STK32B: variants seen among roughly 807,000 people sequenced by gnomAD.
STK32B encodes the protein serine/threonine-protein kinase 32B.
A neutral mutation model predicts 52.6 loss-of-function variants in STK32B; 43 were observed. The ratio of observed to expected loss-of-function variants is 0.82; its 90% confidence interval spans 0.64 to 1.05. The LOEUF is 1.05. Ranked by LOEUF, STK32B falls within the 50% of genes least tolerant of loss-of-function variation. STK32B has a pLI of 0.00. For synonymous variants in STK32B, 238 were observed against 204.3 expected, an observed-to-expected ratio of 1.17 and a Z score of -1.41; for missense variants, 621 against 534.6, an observed-to-expected ratio of 1.16 and a Z score of -1.59.
intron 3 of STK32B, among the ~76,000 whole-genome samples, chr4:5,271,502 C>T (rs1205931059): frequency 2.7e-5 from 4 of 150,824 alleles, no homozygotes; most frequent in Non-Finnish European, 5.9e-5. Context: ...TTTTTGGTTC[C>T]ATATGAACTT....
chr4:5,481,345 A>AT (rs1167579695), intron 11 of STK32B, among the ~76,000 whole-genome samples: 5 of 151,986 alleles, frequency 3.3e-5, no homozygotes, highest in Non-Finnish European at 7.4e-5. Context: ...GCTGATGAGC[A>AT]TTTTTTCATG....
chr4:5,428,747 TG>T (rs1385016501), intron 6 of STK32B, among the ~76,000 whole-genome samples: 1 of 152,262 alleles, frequency 6.6e-6, no homozygotes, highest in Admixed American at 6.5e-5. Context: ...ATGTAAGTGT[TG>T]GAATTCCCAG....
rs796300048 is a variant in STK32B at position 5,316,675 on chromosome 4, A to G, written c.261-14545A>G. ...ATAATATATAATATATATTATATAT[A>G]TAATATAATATAATATATATCATAT... On this transcript the variant is annotated intron_variant, in intron 3 of 11. Coordinates refer to ENST00000282908, the MANE Select transcript of STK32B (RefSeq NM_018401.3). Among the ~76,000 whole-genome samples the G allele has an allele frequency of 1.5e-3, 3 of 1,954 alleles. 1 individual carries two copies. The highest frequency in any genetic ancestry group is 0.016 in the African/African-American group (2 of 126). 1.3% of individuals were successfully genotyped at this position (1,954 alleles called of 152,430 possible).
intron 3 of STK32B, among the ~76,000 whole-genome samples, chr4:5,298,777 C>G (rs1279190731): frequency 6.6e-6 from 1 of 151,948 alleles, no homozygotes; most frequent in African/African-American, 2.4e-5. Context: ...TCGCTTCAGT[C>G]CCCTTTCCAG....
chr4:5,392,798 T>C (rs992543065), intron 4 of STK32B, among the ~76,000 whole-genome samples: 1 of 152,152 alleles, frequency 6.6e-6, no homozygotes, highest in Non-Finnish European at 1.5e-5. Flanking sequence ...TGCACATGGC[T>C]AAATCCACAT....
intron 3 of STK32B, among the ~76,000 whole-genome samples, chr4:5,312,764 T>C (rs1361307191): frequency 6.6e-6 from 1 of 151,942 alleles, no homozygotes; most frequent in Non-Finnish European, 1.5e-5. Context: ...CATGTGTCTT[T>C]ATAGCAGCAT....
At chr4:5,167,412 C>T (rs897504980) in intron 2 of STK32B, among the ~76,000 whole-genome samples, 2 of 152,094 alleles carry the variant, frequency 1.3e-5, no homozygotes, top group Non-Finnish European at 2.9e-5. Context: ...CAGTAAAGTG[C>T]TCAATACAGG....
intron 7 of STK32B, among the ~76,000 whole-genome samples, chr4:5,449,139 G>A (rs979382306): frequency 1.3e-5 from 2 of 152,130 alleles, no homozygotes. Context: ...GTCGGAGATC[G>A]AAACAAGCCT....
chr4:5,484,630 T>G (rs7657320), intron 11 of STK32B, among the ~76,000 whole-genome samples: 4,768 of 152,242 alleles, frequency 0.031, 235 homozygotes, highest in African/African-American at 0.11. Context: ...ATCCTGTCAT[T>G]ATGATGTTAG....
intron 3 of STK32B, among the ~76,000 whole-genome samples, chr4:5,179,438 TATC>T (rs1455750221): frequency 1.3e-5 from 2 of 152,202 alleles, no homozygotes; most frequent in Non-Finnish European, 2.9e-5. Context: ...ATCCACCTAT[TATC>T]ATATATACAT....
intron 6 of STK32B, among the ~76,000 whole-genome samples, chr4:5,428,796 A>C (rs919661547): frequency 6.6e-6 from 1 of 152,106 alleles, no homozygotes; most frequent in Non-Finnish European, 1.5e-5. Context: ...CTTGCTTTTC[A>C]TTTAGGATCA....
chr4:5,477,894 C>A (rs978172053), intron 11 of STK32B, among the ~76,000 whole-genome samples: 1 of 152,104 alleles, frequency 6.6e-6, no homozygotes, highest in Non-Finnish European at 1.5e-5. Context: ...TCCGTCAGAC[C>A]CCCAGTGCAG....
chr4:5,237,824 A>C (rs1724735544), intron 3 of STK32B, among the ~76,000 whole-genome samples: 1 of 152,086 alleles, frequency 6.6e-6, no homozygotes, highest in African/African-American at 2.4e-5. Context: ...AACGCTGGAG[A>C]TTGACAGTGA....
At chr4:5,264,780 C>G (rs1327293358) in intron 3 of STK32B, among the ~76,000 whole-genome samples, 2 of 148,428 alleles carry the variant, frequency 1.3e-5, no homozygotes, top group Non-Finnish European at 2.9e-5. Flanking sequence ...GAGCGAGACT[C>G]CATCTCAAAC....
intron 6 of STK32B, among the ~76,000 whole-genome samples, chr4:5,446,431 T>G (rs1199560773): frequency 2.0e-5 from 3 of 151,978 alleles, no homozygotes; most frequent in African/African-American, 7.2e-5. Flanking sequence ...CCAGGCATGG[T>G]GGCAGGTGCC....
intron 1 of STK32B, among the ~76,000 whole-genome samples, chr4:5,115,786 C>T (rs915804023): frequency 6.6e-6 from 1 of 152,178 alleles, no homozygotes; most frequent in Non-Finnish European, 1.5e-5. Context: ...CTCTTTTTCC[C>T]TCCCAGGGCT....
intron 3 of STK32B, among the ~76,000 whole-genome samples, chr4:5,302,012 C>T (rs1484914691): frequency 6.6e-6 from 1 of 151,312 alleles, no homozygotes; most frequent in Admixed American, 6.6e-5. Context: ...TCCTCCATTA[C>T]TTCTATCCTT....
chr4:5,458,546 A>G (rs548646700), intron 8 of STK32B: 22 of 152,246 alleles, frequency 1.4e-4, no homozygotes, highest in African/African-American at 4.6e-4. Flanking sequence ...AAACTCTCCT[A>G]ACTTCAGGTC....
intron 4 of STK32B, among the ~76,000 whole-genome samples, chr4:5,333,986 A>G (rs2108958698): frequency 1.3e-5 from 2 of 152,294 alleles, no homozygotes; most frequent in East Asian, 3.9e-4. Context: ...TATGAACTTT[A>G]AAGTAGTTTT....
Sources: gnomAD v4.1 joint callset for allele counts (sites outside exome capture counted in the v4.1 genomes callset) on GRCh38, gnomAD v4.1.1 for gene constraint, MANE v1.5 for transcripts, NCBI Gene and HGNC (gene_info 2026-07-23, HGNC 2026-07-21) for gene names.